FXYD6: variants seen among roughly 807,000 people sequenced by gnomAD.
FXYD6 encodes FXYD domain-containing ion transport regulator 6.
FXYD6 carries 7 observed loss-of-function variants against 16.7 expected under a neutral mutation model. That is an observed-to-expected ratio of 0.42 (90% confidence interval 0.24 to 0.79). The LOEUF (loss-of-function observed/expected upper bound fraction) is 0.79, where lower values mean the gene tolerates loss of function less well. Among genes scored for constraint, FXYD6 ranks in the 30% least tolerant of loss-of-function variants. The pLI is 0.28. For missense variants in FXYD6, 111 were observed against 116.2 expected (o/e 0.95, Z 0.21); for synonymous variants, 49 against 43.0 (o/e 1.14, Z -0.54).
intron 1 of FXYD6, among the ~76,000 whole-genome samples, chr11:117,865,803 TGTA>T (rs1172016974): frequency 2.6e-5 from 4 of 152,126 alleles, no homozygotes; most frequent in African/African-American, 7.2e-5. Context: ...GGTGCGCGCC[TGTA>T]GTTCCAGCTA....
In FXYD6 at chr11:117,841,178, C is replaced by A. The variant is rs778288352; in HGVS notation, c.179G>T (p.Arg60Met). ...SVGILLILSR[R>M]CKCSFNQKPR... ...CTTCTGATTGAAACTGCACTTGCAC[C>A]TGCGACCTGAAAAGCAAAGAAACCA... is the stretch of plus-strand genomic sequence containing the variant. The change falls in exon 5 of 8, where the codon AGG becomes ATG. Residue 60 changes from arginine to methionine, a missense_variant. By Grantham distance (91) the Arg-to-Met change is moderately conservative. Transcript: ENST00000526014. 2 of 1,614,000 alleles carry A rather than the reference C, an allele frequency of 1.2e-6. No individual in the cohort carries two copies. Among genetic ancestry groups the A allele is most frequent in the Non-Finnish European group, 8.5e-7 (1 of 1,180,026 alleles).
chr11:117,840,312 C>G lies in FXYD6; in HGVS notation c.259+7G>C. 1 of 1,614,138 alleles carries G rather than the reference C, an allele frequency of 6.2e-7. No individual in the cohort carries two copies. The highest frequency in any genetic ancestry group is 8.5e-7 in the Non-Finnish European group (1 of 1,180,008). The stretch of plus-strand genomic sequence containing the variant: ...TTCCACCTGGGCAGGTGGTCACGGA[C>G]AGTTACCATTGGCGGTGATGAGGTT... On this transcript the variant is annotated splice_region_variant and intron_variant, in intron 6 of 7. Coordinates refer to ENST00000526014, the MANE Select transcript of FXYD6 (RefSeq NM_022003.4).
At chr11:117,877,005 T>A (rs1032622192), upstream of FXYD6, 5 of 152,204 alleles carry the variant, frequency 3.3e-5, no homozygotes, top group Non-Finnish European at 1.5e-5. Flanking sequence ...CCGGAGCGGA[T>A]TTGCCATCAG....
intron 1 of FXYD6, among the ~76,000 whole-genome samples, chr11:117,866,493 C>T (rs1175353651): frequency 6.6e-6 from 1 of 152,172 alleles, no homozygotes; most frequent in Non-Finnish European, 1.5e-5. Context: ...CCGCCTTTCA[C>T]ATTTTCTTGC....
At chr11:117,865,921 C>CA (rs34632455) in intron 1 of FXYD6, among the ~76,000 whole-genome samples, 68,927 of 151,058 alleles carry the variant, frequency 0.46, 16,353 homozygotes, top group African/African-American at 0.57. Context: ...GATTCCATCT[C>CA]AAAAAAAACA....
intron 6 of FXYD6, chr11:117,840,084 G>C: frequency 1.6e-6 from 1 of 642,316 alleles, no homozygotes. Flanking sequence ...CCCATTAAAT[G>C]ATATGGGGTC....
chr11:117,866,134 C>T (rs557496581), intron 1 of FXYD6, among the ~76,000 whole-genome samples: 5 of 116,578 alleles, frequency 4.3e-5, no homozygotes, highest in East Asian at 2.8e-4. Flanking sequence ...CCAGGGGCAC[C>T]GGGAAGGGGG....
chr11:117,869,107 A>G (rs572392148), intron 1 of FXYD6: 1 of 152,316 alleles, frequency 6.6e-6, no homozygotes, highest in South Asian at 2.1e-4. Context: ...ATTAAGCATC[A>G]ATTATTGTTA....
chr11:117,867,971 C>A (rs928796052), intron 1 of FXYD6, among the ~76,000 whole-genome samples: 2 of 152,226 alleles, frequency 1.3e-5, no homozygotes, highest in Admixed American at 6.5e-5. Context: ...GAATCTCCCC[C>A]ACTCATTCTG....
At chr11:117,863,961 C>T (rs749442887) in intron 1 of FXYD6, among the ~76,000 whole-genome samples, 3 of 151,910 alleles carry the variant, frequency 2.0e-5, no homozygotes, top group African/African-American at 4.8e-5. Flanking sequence ...TGTAAATAAA[C>T]GGAAAAAATA....
intron 7 of FXYD6, chr11:117,838,858 GCA>G (rs1371279420): frequency 2.5e-5 from 4 of 158,086 alleles, no homozygotes; most frequent in Admixed American, 2.4e-4. Context: ...ATATTGTTAC[GCA>G]CAGTCAAAGC....
At chr11:117,855,309 C>A (rs2056698741) in intron 1 of FXYD6, among the ~76,000 whole-genome samples, 1 of 152,360 alleles carries the variant, frequency 6.6e-6, no homozygotes, top group African/African-American at 2.4e-5. Context: ...GCTACATCAA[C>A]CACACCTCAG....
intron 1 of FXYD6, among the ~76,000 whole-genome samples, chr11:117,851,893 G>A (rs974683249): frequency 5.9e-5 from 9 of 152,202 alleles, no homozygotes; most frequent in African/African-American, 1.9e-4. Context: ...AACAGAATGT[G>A]GCAAAAGTGG....
chr11:117,842,349 C>T (rs373457383), intron 2 of FXYD6: 62 of 559,826 alleles, frequency 1.1e-4, no homozygotes, highest in South Asian at 8.1e-4. Flanking sequence ...ACGGAGAAAC[C>T]GAGACCAAGG....
chr11:117,839,797 G>A lies in FXYD6; in HGVS notation c.*5C>T. 6.2e-7 allele frequency: 1 copy of A among 1,614,198 alleles called. No homozygotes were observed. Among genetic ancestry groups the A allele is most frequent in the Non-Finnish European group, 8.5e-7 (1 of 1,180,022 alleles). ...GCATCTCACCTTCCACCTGATGGCT[G>A]CACTTCAGTTCTCTGCTTTCTGGGG... On this transcript the variant is annotated 3_prime_UTR_variant, in exon 7 of 8. Coordinates refer to ENST00000526014, the MANE Select transcript of FXYD6 (RefSeq NM_022003.4).
chr11:117,838,206 T>A lies in FXYD6; in HGVS notation c.*93A>T. 1 of 702,526 alleles carries A rather than the reference T, an allele frequency of 1.4e-6. No individual in the cohort carries two copies. The highest frequency in any genetic ancestry group is 1.5e-5 in the South Asian group (1 of 67,592). The allele number at this position is 702,526 out of a possible 1,614,324, so 43.5% of individuals were successfully genotyped here. On this transcript the variant is annotated 3_prime_UTR_variant, in exon 8 of 8. Coordinates refer to ENST00000526014, the MANE Select transcript of FXYD6 (RefSeq NM_022003.4). ...CTTCTCCTGGGGAAAGGGCTGTTGCTGAAGTGGCCGGTTTTCTTAAGCATC... is the reference window on the plus strand; with the variant it reads ...CTTCTCCTGGGGAAAGGGCTGTTGCAGAAGTGGCCGGTTTTCTTAAGCATC...
intron 6 of FXYD6, 92 bp downstream of exon 6, chr11:117,840,227 G>T: frequency 6.5e-7 from 1 of 1,536,096 alleles, no homozygotes; most frequent in Non-Finnish European, 9.0e-7. Flanking sequence ...ATGTCTGGCT[G>T]GCCATGCACC....
rs1350957148 is a variant in FXYD6 at position 117,837,578 on chromosome 11, G to T, written c.*721C>A. 1 of 152,852 alleles carries T rather than the reference G, an allele frequency of 6.5e-6. No homozygotes were observed. Among genetic ancestry groups the T allele is most frequent in the Non-Finnish European group, 1.5e-5 (1 of 68,444 alleles). The allele number at this position is 152,852 out of a possible 1,614,324, so 9.5% of individuals were successfully genotyped here. The stretch of plus-strand genomic sequence containing the variant: ...TCTGTGAAGGGGCGGGGCAGATGGG[G>T]ACTCCTCGTGGAAGCCCCTGGGAAG... On this transcript the variant is annotated 3_prime_UTR_variant, in exon 8 of 8. Transcript: ENST00000526014. The surrounding 1 kb of genome is among the most constrained non-coding windows in gnomAD (Gnocchi z 4.4).
chr11:117,871,638 A>T (rs528655712), intron 1 of FXYD6, among the ~76,000 whole-genome samples: 82 of 152,342 alleles, frequency 5.4e-4, no homozygotes, highest in African/African-American at 1.9e-3. Context: ...ACGAAGGATG[A>T]TATAACAATA....
Sources: gnomAD v4.1 joint callset for allele counts (sites outside exome capture counted in the v4.1 genomes callset) on GRCh38, gnomAD v4.1.1 for gene constraint, Gnocchi (gnomAD v3.1) non-coding constraint, MANE v1.5 for transcripts, NCBI Gene and HGNC (gene_info 2026-07-23, HGNC 2026-07-21) for gene names.